The following PES1 variants were observed in gnomAD, a reference collection of about 807,000 sequenced individuals.
The protein encoded by PES1 is pescadillo homolog.
PES1 carries 31 observed loss-of-function variants against 77.1 expected under a neutral mutation model. The ratio of observed to expected loss-of-function variants is 0.40; its 90% CI spans 0.30 to 0.54. The LOEUF is 0.54. Ranked by LOEUF, PES1 falls within the 20% of genes least tolerant of loss-of-function variation. PES1 has a pLI of 0.45. For synonymous variants in PES1, 282 were observed against 303.0 expected (o/e 0.93, Z 0.72); for missense variants, 658 against 771.7 (o/e 0.85, Z 1.75).
upstream of PES1, chr22:30,591,925 C>G: frequency 6.8e-7 from 1 of 1,476,032 alleles, no homozygotes; most frequent in South Asian, 1.3e-5. Context: ...AGGACCCTCC[C>G]CACCCCACGC....
chr22:30,605,496 C>T (rs945694317), exon 2 of PES1: 5 of 985,004 alleles, frequency 5.1e-6, no homozygotes, highest in Non-Finnish European at 1.2e-6. Context: ...TCCTCCATGG[C>T]CACCTCCTCC....
At chr22:30,588,277 T>C (rs2087123627) in intron 2 of PES1, 103 bp from the exon 3 acceptor site, 2 of 1,370,110 alleles carry the variant, frequency 1.5e-6, no homozygotes, top group Non-Finnish European at 2.0e-6. Flanking sequence ...GAACATGGGG[T>C]CCCTGCCCTT....
chr22:30,577,861 A>G (rs2086926314), intron 14 of PES1, among the ~76,000 whole-genome samples: 1 of 152,238 alleles, frequency 6.6e-6, no homozygotes, highest in South Asian at 2.1e-4. Flanking sequence ...CTGCAGAATC[A>G]TTAAGAGGCG....
upstream of PES1, chr22:30,592,020 A>G: frequency 7.3e-7 from 1 of 1,370,962 alleles, no homozygotes; most frequent in Non-Finnish European, 9.4e-7. Flanking sequence ...TTAAAACTAT[A>G]GTCTGAAAAA....
chr22:30,597,882 GT>G (rs767127817), intron 2 of PES1, among the ~76,000 whole-genome samples: 45 of 38,882 alleles, frequency 1.2e-3, no homozygotes, highest in East Asian at 2.2e-3. Context: ...TTGAAGTTTT[GT>G]TTTTTTTTTT....
chr22:30,598,021 C>T (rs1469491489), intron 2 of PES1, among the ~76,000 whole-genome samples: 1 of 151,104 alleles, frequency 6.6e-6, no homozygotes, highest in African/African-American at 2.4e-5. Context: ...GTAGCTGGGA[C>T]TACAGGCGCC....
At chr22:30,603,335 T>C (rs748796371) in intron 2 of PES1, among the ~76,000 whole-genome samples, 13 of 152,148 alleles carry the variant, frequency 8.5e-5, no homozygotes, top group Non-Finnish European at 1.6e-4. Flanking sequence ...TTATCTTTGC[T>C]TTCTCCTCCT....
rs1199944858 is a variant in PES1 at position 30,587,345 on chromosome 22, A to G, written c.309T>C (p.Thr103=). The part of the protein sequence containing the change: ...RKAYGKSEWN[T]VERLKDNKPN... ...GCTTATTGTCCTTTAAACGCTCTACAGTGTTCCACTCGCTCTTCCCATAAG... is the reference window on the plus strand; with the variant it reads ...GCTTATTGTCCTTTAAACGCTCTACGGTGTTCCACTCGCTCTTCCCATAAG... The change falls in exon 4 of 15, where the codon ACT becomes ACC. Residue 103 remains threonine (T), a synonymous_variant. Transcript: ENST00000354694. The G allele has an allele frequency of 3.1e-6, 5 of 1,613,972 alleles. No individual in the cohort carries two copies. Among genetic ancestry groups the G allele is most frequent in the Non-Finnish European group, 4.2e-6 (5 of 1,179,968 alleles).
At chr22:30,607,008 C>T (rs1428823286) in exon 1 of PES1, 3 of 600,146 alleles carry the variant, frequency 5.0e-6, no homozygotes, top group Non-Finnish European at 7.7e-6. Context: ...TGGTCCCGGG[C>T]TCTTTAAGCA....
intron 1 of PES1, among the ~76,000 whole-genome samples, 183 bp from the exon 2 acceptor site, chr22:30,589,453 C>T (rs746084269): frequency 7.9e-5 from 12 of 152,160 alleles, no homozygotes; most frequent in South Asian, 2.1e-4. Flanking sequence ...ACCATCCTTG[C>T]GGCTGTCAGC....
At chr22:30,601,434 C>A (rs1056242529) in intron 2 of PES1, among the ~76,000 whole-genome samples, 2 of 152,182 alleles carry the variant, frequency 1.3e-5, no homozygotes, top group Admixed American at 1.3e-4. Context: ...CCTGCCTCAG[C>A]CCCGAGTAGC....
intron 6 of PES1, among the ~76,000 whole-genome samples, chr22:30,583,583 G>A (rs1489574956): frequency 6.6e-6 from 1 of 152,196 alleles, no homozygotes; most frequent in African/African-American, 2.4e-5. Flanking sequence ...GCAAAACCAG[G>A]GTTTCTCTCA....
At chr22:30,577,822 T>G (rs1173056262) in intron 14 of PES1, among the ~76,000 whole-genome samples, 1 of 152,200 alleles carries the variant, frequency 6.6e-6, no homozygotes, top group African/African-American at 2.4e-5. Flanking sequence ...ATTTCAAAAC[T>G]GCAGCAATTA....
chr22:30,585,491 GCTCC>G, intron 4 of PES1: 1 of 310,610 alleles, frequency 3.2e-6, no homozygotes, highest in Admixed American at 3.8e-5. Context: ...GGCTCTTGCA[GCTCC>G]CTAGAAACAC....
At chr22:30,578,481 A>T (rs1442357100) in intron 14 of PES1, among the ~76,000 whole-genome samples, 3 of 152,170 alleles carry the variant, frequency 2.0e-5, no homozygotes, top group African/African-American at 7.2e-5. Flanking sequence ...TGGCTTCATG[A>T]ACAAGAAAAT....
chr22:30,597,760 C>A (rs1354400473), intron 2 of PES1, among the ~76,000 whole-genome samples: 5 of 151,958 alleles, frequency 3.3e-5, no homozygotes, highest in Admixed American at 3.3e-4. Flanking sequence ...CAGACCAATC[C>A]GTTCTCTGTA....
intron 2 of PES1, chr22:30,605,358 G>A: frequency 1.8e-6 from 1 of 546,422 alleles, no homozygotes; most frequent in Non-Finnish European, 2.3e-6. Context: ...CTAGCACTGA[G>A]TCCAGGTAGG....
chr22:30,598,926 C>T (rs9621043), intron 2 of PES1, among the ~76,000 whole-genome samples: 62,553 of 89,398 alleles, frequency 0.7, 20,090 homozygotes, highest in Middle Eastern at 0.79. Context: ...AGATGGAGTC[C>T]TGCTCTGTCA....
intron 2 of PES1, among the ~76,000 whole-genome samples, chr22:30,603,620 G>A (rs938106623): frequency 6.6e-6 from 1 of 152,102 alleles, no homozygotes; most frequent in Non-Finnish European, 1.5e-5. Flanking sequence ...GACCTCAGGT[G>A]ATCCACCCGC....
Sources: allele counts gnomAD v4.1 joint callset (sites outside exome capture counted in the v4.1 genomes callset), GRCh38; gene constraint gnomAD v4.1.1; transcripts MANE v1.5; gene names NCBI Gene and HGNC (gene_info 2026-07-23, HGNC 2026-07-21).